The following INSL6 variants were observed in gnomAD, a reference collection of about 807,000 sequenced individuals.
INSL6 encodes insulin like 6.
A neutral mutation model predicts 9.4 loss-of-function variants in INSL6; 16 were observed. The ratio of observed to expected loss-of-function variants is 1.70; its 90% CI spans 1.15 to 2.59. INSL6 has a LOEUF of 2.59. Ranked by LOEUF, INSL6 falls within the 30% of genes most tolerant of loss-of-function variation. INSL6 has a pLI of 0.00. For synonymous variants in INSL6, 154 were observed against 96.9 expected (o/e 1.59, Z -3.46); for missense variants, 391 against 257.3 (o/e 1.52, Z -3.56).
the INSL6 span, among the ~76,000 whole-genome samples, chr9:5,006,287 T>C: frequency 6.6e-6 from 1 of 152,224 alleles, no homozygotes; most frequent in African/African-American, 2.4e-5. Context: ...ATGATTTGGC[T>C]CTCTGTGTGT....
chr9:5,012,314 C>G, the INSL6 span, among the ~76,000 whole-genome samples: 13,474 of 152,162 alleles, frequency 0.089, 1,747 homozygotes, highest in African/African-American at 0.29. Flanking sequence ...TCATATCCCC[C>G]CGATTTGTAT....
At chr9:5,130,967 G>T (rs1824266146) in intron 3 of INSL6, among the ~76,000 whole-genome samples, 1 of 151,756 alleles carries the variant, frequency 6.6e-6, no homozygotes. Flanking sequence ...CTGACCTCAT[G>T]ATCCGCCCGC....
chr9:4,994,641 C>T, the INSL6 span, among the ~76,000 whole-genome samples: 5 of 152,172 alleles, frequency 3.3e-5, no homozygotes, highest in Admixed American at 6.5e-5. Context: ...ATAGACAATA[C>T]GTAAATGAAC....
chr9:5,102,697 A>T, the INSL6 span, among the ~76,000 whole-genome samples: 2 of 152,366 alleles, frequency 1.3e-5, no homozygotes, highest in South Asian at 2.1e-4. Context: ...CGGATCTCTC[A>T]GCAGAAACTC....
the INSL6 span, among the ~76,000 whole-genome samples, chr9:5,047,120 T>C: frequency 8.5e-5 from 13 of 152,220 alleles, no homozygotes; most frequent in Non-Finnish European, 1.8e-4. Flanking sequence ...TATTTTTTAA[T>C]GTTTTTACTT....
intron 2 of INSL6, among the ~76,000 whole-genome samples, chr9:5,142,598 T>C (rs1824523272): frequency 6.6e-6 from 1 of 152,232 alleles, no homozygotes; most frequent in African/African-American, 2.4e-5. Flanking sequence ...TAAGAAGCTT[T>C]TGGGCTGAGA....
the INSL6 span, among the ~76,000 whole-genome samples, chr9:5,060,799 A>G: frequency 6.6e-6 from 1 of 152,218 alleles, no homozygotes; most frequent in African/African-American, 2.4e-5. Context: ...AATCCTTTCC[A>G]TAAGTTTTTC....
intron 2 of INSL6, among the ~76,000 whole-genome samples, chr9:5,153,812 G>A (rs1824762441): frequency 6.6e-6 from 1 of 152,144 alleles, no homozygotes; most frequent in South Asian, 2.1e-4. Flanking sequence ...ACTGCTCAAG[G>A]AAATAAGAGA....
At chr9:5,020,627 G>A in the INSL6 span, among the ~76,000 whole-genome samples, 1 of 152,168 alleles carries the variant, frequency 6.6e-6, no homozygotes, top group African/African-American at 2.4e-5. Flanking sequence ...TACTCAGGGT[G>A]CATGCAAATT....
the INSL6 span, among the ~76,000 whole-genome samples, chr9:5,074,190 G>A: frequency 6.6e-6 from 1 of 152,034 alleles, no homozygotes; most frequent in Non-Finnish European, 1.5e-5. Context: ...AAATGATTAT[G>A]TTGATATGAT....
At chr9:5,161,238 G>C (rs973129551), downstream of INSL6, among the ~76,000 whole-genome samples, 2 of 152,116 alleles carry the variant, frequency 1.3e-5, no homozygotes, top group African/African-American at 4.8e-5. Flanking sequence ...CATTCATCAT[G>C]ACCAAGGAGT....
the INSL6 span, among the ~76,000 whole-genome samples, chr9:5,043,593 C>T: frequency 6.6e-6 from 1 of 152,184 alleles, no homozygotes; most frequent in Non-Finnish European, 1.5e-5. Flanking sequence ...AATTCTACTT[C>T]TAGATATATA....
At chr9:5,116,123 A>G in the INSL6 span, among the ~76,000 whole-genome samples, 1 of 152,142 alleles carries the variant, frequency 6.6e-6, no homozygotes, top group African/African-American at 2.4e-5. Flanking sequence ...CATTTTATGG[A>G]TAATCTCATT....
chr9:5,102,283 G>T, the INSL6 span, among the ~76,000 whole-genome samples: 1 of 152,132 alleles, frequency 6.6e-6, no homozygotes, highest in Non-Finnish European at 1.5e-5. Context: ...GTGGAAGAAA[G>T]GGTATCAGTG....
chr9:5,075,242 C>T, the INSL6 span, among the ~76,000 whole-genome samples: 2 of 152,120 alleles, frequency 1.3e-5, no homozygotes, highest in Admixed American at 1.3e-4. Context: ...AGCAAGTTAT[C>T]CAGAAGATCT....
At chr9:5,043,851 G>A in the INSL6 span, among the ~76,000 whole-genome samples, 1 of 152,166 alleles carries the variant, frequency 6.6e-6, no homozygotes. Context: ...AGACAGAAAG[G>A]CCACATGTTC....
chr9:5,085,703 A>G, the INSL6 span: 1 of 748,944 alleles, frequency 1.3e-6, no homozygotes, highest in Non-Finnish European at 2.5e-6. Flanking sequence ...CGTGAACAAG[A>G]CTAGCAGTGT....
the INSL6 span, among the ~76,000 whole-genome samples, chr9:5,032,864 T>C: frequency 1.3e-5 from 2 of 152,082 alleles, no homozygotes; most frequent in African/African-American, 4.8e-5. Flanking sequence ...GGAACGCAGC[T>C]CCTTACCAGC....
the INSL6 span, among the ~76,000 whole-genome samples, chr9:5,077,778 G>C: frequency 2.6e-5 from 4 of 152,256 alleles, no homozygotes; most frequent in East Asian, 7.7e-4. Context: ...AAAAAGTTTT[G>C]TCATCCCATC....
Sources: gnomAD v4.1 joint callset for allele counts (sites outside exome capture counted in the v4.1 genomes callset) on GRCh38, gnomAD v4.1.1 for gene constraint, MANE v1.5 for transcripts, NCBI Gene and HGNC (gene_info 2026-07-23, HGNC 2026-07-21) for gene names.